The following BANP variants were observed in gnomAD, a reference collection of about 807,000 sequenced individuals.
BANP encodes BTG3 associated nuclear protein.
A neutral mutation model predicts 68.1 loss-of-function variants in BANP; 11 were observed. The observed-to-expected ratio is 0.16, with a 90% CI of 0.10 to 0.27. The LOEUF is 0.27. Ranked by LOEUF, BANP falls within the 10% of genes least tolerant of loss-of-function variation. The pLI, the probability that BANP is intolerant of heterozygous loss-of-function variation, is 1.00. For synonymous variants in BANP, 329 were observed against 303.2 expected (o/e 1.09, Z -0.88); for missense variants, 504 against 722.7 (o/e 0.70, Z 3.47).
At chr16:87,961,717 C>G (rs2059191296) in intron 1 of BANP, among the ~76,000 whole-genome samples, 1 of 152,092 alleles carries the variant, frequency 6.6e-6, no homozygotes, top group Admixed American at 6.5e-5. Flanking sequence ...AAAGCTGGTC[C>G]CCAGTGTCAC....
At chr16:88,075,640 G>C (rs2091440091) in intron 13 of BANP, among the ~76,000 whole-genome samples, 1 of 152,200 alleles carries the variant, frequency 6.6e-6, no homozygotes, top group Admixed American at 6.5e-5. Flanking sequence ...AAGCTTCTGG[G>C]AGTGTGCACG....
chr16:88,050,187 C>T (rs891098989), intron 11 of BANP, among the ~76,000 whole-genome samples: 6 of 152,222 alleles, frequency 3.9e-5, no homozygotes, highest in South Asian at 2.1e-4. Context: ...GACACAGTCT[C>T]GCCCTGTTGC....
intron 1 of BANP, among the ~76,000 whole-genome samples, chr16:87,968,071 T>A (rs2060408556): frequency 7.3e-6 from 1 of 136,750 alleles, no homozygotes; most frequent in African/African-American, 2.9e-5. Flanking sequence ...GTTCTACAGG[T>A]TTTTTTGCCT....
At chr16:88,045,783 G>A (rs2081886238) in intron 11 of BANP, among the ~76,000 whole-genome samples, 1 of 126,408 alleles carries the variant, frequency 7.9e-6, no homozygotes. Context: ...GGAGAGAACT[G>A]GATGGGTGGG....
chr16:88,025,882 T>C (rs1450671209), intron 7 of BANP, among the ~76,000 whole-genome samples: 1 of 152,236 alleles, frequency 6.6e-6, no homozygotes, highest in Non-Finnish European at 1.5e-5. Context: ...ATTCCATCCA[T>C]GTATTTTCCT....
At chr16:87,983,503 C>A (rs1433581824) in intron 3 of BANP, among the ~76,000 whole-genome samples, 1 of 152,154 alleles carries the variant, frequency 6.6e-6, no homozygotes, top group Non-Finnish European at 1.5e-5. Context: ...GGAGACTCAG[C>A]CGGAAAGGTC....
chr16:87,994,962 G>A (rs1016474413), intron 4 of BANP, among the ~76,000 whole-genome samples: 4 of 152,280 alleles, frequency 2.6e-5, no homozygotes, highest in African/African-American at 2.4e-5. Context: ...CAGTGTGGGC[G>A]ATTCTGGTCC....
At chr16:87,995,193 G>A (rs2066859880) in intron 4 of BANP, among the ~76,000 whole-genome samples, 1 of 152,266 alleles carries the variant, frequency 6.6e-6, no homozygotes, top group Non-Finnish European at 1.5e-5. Flanking sequence ...GGGAAATGCA[G>A]TCTGGATGTG....
chr16:88,011,083 C>A (rs751485876), intron 6 of BANP, among the ~76,000 whole-genome samples: 4 of 152,174 alleles, frequency 2.6e-5, no homozygotes, highest in Admixed American at 6.5e-5. Flanking sequence ...GAGACAGCAG[C>A]GTGAGAACAG....
Position 88,071,973 on chromosome 16 carries a change from G to A in BANP, c.1378-96G>A, listed in dbSNP as rs759570343. 1.3e-5 allele frequency: 19 copies of A among 1,491,792 alleles called. No individual in the cohort carries two copies. Among genetic ancestry groups the A allele is most frequent in the Middle Eastern group, 3.4e-4 (2 of 5,896 alleles). 92.4% of individuals were successfully genotyped at this position (1,491,792 alleles called of 1,614,324 possible). A position where few individuals can be genotyped will look rare whatever the true frequency, so the allele number is the denominator to read the frequency against. ...GTCCCTGCCGCTCAGGGGACAGCAC[G>A]TGTGGGCTGGGGTCTGCGGTCTGTG... On this transcript the variant is annotated intron_variant, in intron 12 of 13. Transcript: ENST00000682872. This position sits in a 1 kb window ranked among gnomAD's most constrained non-coding sequence, Gnocchi z 6.5.
chr16:88,039,331 G>T (rs76092852), intron 11 of BANP, among the ~76,000 whole-genome samples: 1 of 141,110 alleles, frequency 7.1e-6, no homozygotes, highest in South Asian at 2.4e-4. Flanking sequence ...TGCGGTCGGC[G>T]CAGTGCAGGT....
intron 13 of BANP, among the ~76,000 whole-genome samples, chr16:88,074,177 G>C (rs1280054173): frequency 6.6e-6 from 1 of 152,008 alleles, no homozygotes; most frequent in Non-Finnish European, 1.5e-5. Context: ...AACAGAGACA[G>C]GTTTCTGGTT....
At chr16:87,978,923 A>G (rs1454212455) in intron 2 of BANP, among the ~76,000 whole-genome samples, 2 of 152,200 alleles carry the variant, frequency 1.3e-5, no homozygotes, top group Non-Finnish European at 2.9e-5. Flanking sequence ...TGTGGTCCCA[A>G]CCTCCTTCCT....
At chr16:88,063,661 C>T (rs2087578268) in intron 11 of BANP, among the ~76,000 whole-genome samples, 1 of 152,158 alleles carries the variant, frequency 6.6e-6, no homozygotes, top group Non-Finnish European at 1.5e-5. Context: ...CTTGGGAAGC[C>T]GTGTTGCTGA....
chr16:87,987,739 A>AAAAAG (rs2064836689), intron 4 of BANP, among the ~76,000 whole-genome samples: 3 of 145,122 alleles, frequency 2.1e-5, no homozygotes, highest in African/African-American at 7.7e-5. Flanking sequence ...AAAAAAAAAA[A>AAAAAG]GGATGTTATT....
At chr16:87,963,967 C>T (rs764895672) in intron 1 of BANP, among the ~76,000 whole-genome samples, 2 of 152,112 alleles carry the variant, frequency 1.3e-5, no homozygotes, top group East Asian at 1.9e-4. Context: ...AAATTAAATA[C>T]TTTTGCAGCT....
Position 88,018,175 on chromosome 16 carries a change from G to C in BANP, c.656-253G>C, listed in dbSNP as rs1360257720. Among the ~76,000 whole-genome samples the C allele has an allele frequency of 6.6e-6, 1 of 151,922 alleles. No individual in the cohort carries two copies. Among genetic ancestry groups the C allele is most frequent in the Non-Finnish European group, 1.5e-5 (1 of 67,976 alleles). ...GTGACCGTGTTGGCGCTCAGGTCCC[G>C]AGGCCCTGCAGCCCCACAGGCACGT... On this transcript the variant is annotated intron_variant, in intron 6 of 13. Coordinates refer to ENST00000682872, the MANE Select transcript of BANP (RefSeq NM_001386991.1). The surrounding 1 kb of genome is among the most constrained non-coding windows in gnomAD (Gnocchi z 7.7).
chr16:87,979,844 A>G (rs1408813149), intron 2 of BANP, among the ~76,000 whole-genome samples: 1 of 152,244 alleles, frequency 6.6e-6, no homozygotes, highest in African/African-American at 2.4e-5. Flanking sequence ...TAACCTGGAT[A>G]GTCCCAGCTA....
intron 1 of BANP, among the ~76,000 whole-genome samples, chr16:87,971,329 A>G (rs892125687): frequency 2.0e-5 from 3 of 152,068 alleles, no homozygotes; most frequent in African/African-American, 7.2e-5. Flanking sequence ...ATGCCTCTCC[A>G]GTGGTTTGGT....
Sources: allele counts gnomAD v4.1 joint callset (sites outside exome capture counted in the v4.1 genomes callset), GRCh38; gene constraint gnomAD v4.1.1; non-coding constraint Gnocchi (gnomAD v3.1); transcripts MANE v1.5; gene names NCBI Gene and HGNC (gene_info 2026-07-23, HGNC 2026-07-21).